TNIK: variants seen among roughly 807,000 people sequenced by gnomAD.
The protein encoded by TNIK is TRAF2 and NCK interacting kinase, also known as TRAF2 and NCK-interacting protein kinase.
A neutral mutation model predicts 191.3 loss-of-function variants in TNIK; 49 were observed. The ratio of observed to expected loss-of-function variants is 0.26; its 90% CI spans 0.20 to 0.32. The LOEUF (loss-of-function observed/expected upper bound fraction) is 0.32. TNIK is among the 10% of genes least tolerant of loss of function. The pLI, the probability that TNIK is intolerant of heterozygous loss-of-function variation, is 1.00. For missense variants in TNIK, 1,155 were observed against 1,702.3 expected (o/e 0.68, Z 5.66); for synonymous variants, 594 against 600.9 (o/e 0.99, Z 0.17).
In TNIK at chr3:171,161,324, T is replaced by C. The variant is rs1733955170; in HGVS notation, c.962A>G (p.Tyr321Cys). ...TTCTTCCTCACTTCCACTGTACTCA[T>C]ACTCTGTCTCATCTGAAGAAAGATC... ...KKRGEKDETE[Y>C]EYSGSEEEEE... The change falls in exon 11 of 33, where the codon TAT becomes TGT. Residue 321 changes from tyrosine to cysteine, a missense_variant. This residue lies in a region of TNIK where 225 missense variants were observed against 438.9 expected (regional missense o/e 0.51). Coordinates refer to ENST00000436636, the MANE Select transcript of TNIK (RefSeq NM_015028.4). 2 of 1,612,618 alleles carry C rather than the reference T, an allele frequency of 1.2e-6. No homozygotes were observed. Among genetic ancestry groups the C allele is most frequent in the African/African-American group, 1.3e-5 (1 of 74,908 alleles).
intron 21 of TNIK, among the ~76,000 whole-genome samples, chr3:171,102,850 A>C (rs1289825133): frequency 1.3e-5 from 2 of 152,228 alleles, no homozygotes; most frequent in Admixed American, 6.5e-5. Context: ...CGGTTAAAAG[A>C]AAAGCTGTGA....
chr3:171,117,007 T>C (rs766298153), intron 18 of TNIK, among the ~76,000 whole-genome samples: 1 of 152,208 alleles, frequency 6.6e-6, no homozygotes, highest in Non-Finnish European at 1.5e-5. Context: ...GACTGTGCTA[T>C]CTCCCAGACT....
At chr3:171,080,062 C>T (rs1720468773) in intron 27 of TNIK, among the ~76,000 whole-genome samples, 1 of 152,152 alleles carries the variant, frequency 6.6e-6, no homozygotes, top group Non-Finnish European at 1.5e-5. Context: ...GCCTTTCCTT[C>T]ACCGTATAAC....
At chr3:171,201,530 A>C (rs1027262842) in intron 4 of TNIK, among the ~76,000 whole-genome samples, 5 of 152,258 alleles carry the variant, frequency 3.3e-5, no homozygotes, top group African/African-American at 1.2e-4. Context: ...TGTGTGGCTG[A>C]AAATAACCAC....
chr3:171,403,380 G>A (rs1415201399), intron 1 of TNIK, among the ~76,000 whole-genome samples: 3 of 151,808 alleles, frequency 2.0e-5, no homozygotes, highest in Admixed American at 2.0e-4. Context: ...TTTGGGAGAC[G>A]AAGGCAGGCA....
chr3:171,240,070 C>A (rs547793971), intron 2 of TNIK, among the ~76,000 whole-genome samples: 2 of 152,234 alleles, frequency 1.3e-5, no homozygotes, highest in South Asian at 4.1e-4. Flanking sequence ...AATTTAGCTG[C>A]GATCCAACTG....
chr3:171,117,767 G>C (rs1042079126), intron 18 of TNIK, among the ~76,000 whole-genome samples: 1 of 152,066 alleles, frequency 6.6e-6, no homozygotes, highest in Non-Finnish European at 1.5e-5. Context: ...TCAGGAGATC[G>C]AGATCATCCT....
intron 26 of TNIK, 145 bp downstream of exon 26, chr3:171,084,010 C>G: frequency 1.8e-6 from 2 of 1,121,724 alleles, no homozygotes. Context: ...CTCCTGAGGT[C>G]AAGATAGTCC....
intron 7 of TNIK, among the ~76,000 whole-genome samples, chr3:171,186,706 TTCAA>T (rs1286992625): frequency 6.6e-6 from 1 of 152,230 alleles, no homozygotes. Flanking sequence ...GACATTCATC[TTCAA>T]TCTTTTTAAT....
intron 4 of TNIK, among the ~76,000 whole-genome samples, chr3:171,205,230 C>A (rs1739910579): frequency 6.6e-6 from 1 of 152,158 alleles, no homozygotes. Context: ...CTTTCTTCTT[C>A]CTAGTTCTTT....
intron 1 of TNIK, among the ~76,000 whole-genome samples, chr3:171,373,585 C>T (rs1716824206): frequency 6.6e-6 from 1 of 152,224 alleles, no homozygotes. Flanking sequence ...CTAAAACAGA[C>T]ATTTCTAATC....
At chr3:171,153,437 T>C (rs1429375621) in intron 12 of TNIK, among the ~76,000 whole-genome samples, 1 of 152,208 alleles carries the variant, frequency 6.6e-6, no homozygotes, top group African/African-American at 2.4e-5. Flanking sequence ...TACTGTTGGC[T>C]GCTCTTCCTC....
At chr3:171,123,786 T>C in intron 17 of TNIK, 84 bp from the exon 18 acceptor site, 1 of 1,010,754 alleles carries the variant, frequency 9.9e-7, no homozygotes, top group Non-Finnish European at 1.4e-6. Flanking sequence ...TCCAATGATT[T>C]GCCAGAAGCC....
At chr3:171,343,708 C>G (rs893356273) in intron 2 of TNIK, among the ~76,000 whole-genome samples, 24 of 152,184 alleles carry the variant, frequency 1.6e-4, no homozygotes, top group Admixed American at 6.5e-5. Context: ...TTTCCTGCCT[C>G]TCAAAGTGCC....
chr3:171,415,874 G>C (rs955820406), intron 1 of TNIK, among the ~76,000 whole-genome samples: 2 of 147,944 alleles, frequency 1.4e-5, no homozygotes, highest in Admixed American at 6.9e-5. Context: ...CCAGCTACTC[G>C]GGAAGCTGAG....
At chr3:171,383,814 C>T (rs776725987) in intron 1 of TNIK, among the ~76,000 whole-genome samples, 7 of 150,540 alleles carry the variant, frequency 4.6e-5, no homozygotes, top group Admixed American at 1.3e-4. Flanking sequence ...GCAACATGGG[C>T]AACAGATGAC....
At chr3:171,182,167 A>ATTTTT (rs749734562) in intron 7 of TNIK, among the ~76,000 whole-genome samples, 1 of 65,612 alleles carries the variant, frequency 1.5e-5, no homozygotes, top group Non-Finnish European at 2.8e-5. Context: ...CATTGTTAGG[A>ATTTTT]TTTTTTTTTT....
rs1331365416 is a variant in TNIK at position 171,283,559 on chromosome 3, T to C, written c.124-55338A>G. 5.3e-5 allele frequency among the ~76,000 whole-genome samples: 8 copies of C among 152,292 alleles called. No homozygotes were observed. The East Asian group carries it at 1.4e-3, about 26-fold the overall frequency. On this transcript the variant is annotated intron_variant, in intron 2 of 32. Transcript: ENST00000436636. ...AGGGCTCTGAAAAAAGACAGTCTCC[T>C]TGGCAGCCGTTCCAACCTGGCTCCT...
chr3:171,280,592 C>T (rs1750311520), intron 2 of TNIK, among the ~76,000 whole-genome samples: 2 of 151,578 alleles, frequency 1.3e-5, no homozygotes, highest in African/African-American at 2.4e-5. Flanking sequence ...TTTTGTTATT[C>T]CTGTTGATAC....
Sources: allele counts gnomAD v4.1 joint callset (sites outside exome capture counted in the v4.1 genomes callset), GRCh38; gene constraint gnomAD v4.1.1; regional missense constraint gnomAD v4.1.1; transcripts MANE v1.5; gene names NCBI Gene and HGNC (gene_info 2026-07-23, HGNC 2026-07-21).